EP400: variants seen among roughly 807,000 people sequenced by gnomAD.
EP400 encodes the protein E1A binding protein p400, also known as E1A-binding protein p400.
Under a neutral mutation model 354.1 loss-of-function variants are expected in EP400, and 105 were observed. The ratio of observed to expected loss-of-function variants is 0.30; its 90% CI spans 0.25 to 0.35. EP400 has a LOEUF of 0.35. Among genes scored for constraint, EP400 ranks in the 10% least tolerant of loss-of-function variants. The pLI is 1.00. For missense variants in EP400, 3,280 were observed against 4,121.0 expected, an observed-to-expected ratio of 0.80 and a Z score of 5.59; for synonymous variants, 1,646 against 1,716.9, an observed-to-expected ratio of 0.96 and a Z score of 1.02.
intron 32 of EP400, among the ~76,000 whole-genome samples, chr12:132,039,474 C>T (rs1318631653): frequency 6.6e-6 from 1 of 152,072 alleles, no homozygotes; most frequent in East Asian, 1.9e-4. Flanking sequence ...CAGGGTGAGA[C>T]CCACTCCCCC....
At position 132,023,946 on chromosome 12, in the gene EP400, G is replaced by A; in HGVS notation, c.4855+5G>A. On this transcript the variant is annotated splice_donor_5th_base_variant and intron_variant, in intron 24 of 52. Transcript: ENST00000389561. ...GCCAGCCGCTGCAGCTGCAAGGTAAGGATAAGGATGAGAGAGCACTGATGC... is the reference window on the plus strand; with the variant it reads ...GCCAGCCGCTGCAGCTGCAAGGTAAAGATAAGGATGAGAGAGCACTGATGC... 1 of 1,596,714 alleles carries A rather than the reference G, an allele frequency of 6.3e-7. No homozygotes were observed. The highest frequency in any genetic ancestry group is 2.2e-5 in the East Asian group (1 of 44,462).
At chr12:132,055,675 G>T (rs543902587) in intron 45 of EP400, among the ~76,000 whole-genome samples, 2 of 141,898 alleles carry the variant, frequency 1.4e-5, no homozygotes, top group East Asian at 4.3e-4. Flanking sequence ...TGTGTGTGAG[G>T]TGTAGGGGGG....
chr12:131,949,949 CG>C lies in EP400; in HGVS notation c.-119del, dbSNP rs1343479929. Reference sequence around the variant, plus strand: ...CAGCCGCGCCGCCGCTTCCTCCCGCCGGGGCCCCGGATGCACTGAGCGGCTG... The same window carrying C: ...CAGCCGCGCCGCCGCTTCCTCCCGCCGGGCCCCGGATGCACTGAGCGGCTG... On this transcript the variant is annotated 5_prime_UTR_variant, in exon 1 of 53. Coordinates refer to ENST00000389561, the MANE Select transcript of EP400 (RefSeq NM_015409.5). The C allele has an allele frequency of 1.3e-5, 2 of 151,900 alleles. No homozygotes were observed. Among genetic ancestry groups the C allele is most frequent in the Admixed American group, 6.6e-5 (1 of 15,246 alleles). 9.4% of individuals were successfully genotyped at this position (151,900 alleles called of 1,614,324 possible).
intron 39 of EP400, among the ~76,000 whole-genome samples, chr12:132,047,590 A>G (rs1030458014): frequency 2.6e-5 from 4 of 152,244 alleles, no homozygotes; most frequent in African/African-American, 9.6e-5. Flanking sequence ...GGTCACAGAG[A>G]TCACATGCTT....
intron 47 of EP400, 40 bp downstream of exon 47, chr12:132,062,741 C>T (rs766145109): frequency 7.5e-5 from 121 of 1,606,222 alleles, no homozygotes; most frequent in Middle Eastern, 1.7e-4. Flanking sequence ...GTGCGTCTTG[C>T]GGTCAGTCAG....
Position 132,013,159 on chromosome 12 carries a change from G to A in EP400, c.3592G>A (p.Ala1198Thr), listed in dbSNP as rs747354682. The change falls in exon 17 of 53, where the codon GCG becomes ACG. Residue 1198 changes from alanine to threonine, a missense_variant. By Grantham distance (58) the Ala-to-Thr change is moderately conservative. This residue lies in a region of EP400 where 242 missense variants were observed against 357.9 expected (regional missense o/e 0.68). Transcript: ENST00000389561. This position sits in a 1 kb window ranked among gnomAD's most constrained non-coding sequence, Gnocchi z 4.5. ...GGGCATGACCGAGAGGCACTGGGAA[G>A]CGGTTTTCACCCTGCAGAGGTCTGT... ...VKGMTERHWE[A>T]VFTLQSQQRL... The A allele has an allele frequency of 6.2e-7, 1 of 1,613,742 alleles. No homozygotes were observed. The highest frequency in any genetic ancestry group is 2.2e-5 in the East Asian group (1 of 44,878).
chr12:131,987,983 CT>C (rs778740521), intron 7 of EP400, 93 bp downstream of exon 7: 25,852 of 266,146 alleles, frequency 0.097, 19 homozygotes, highest in East Asian at 0.12. Context: ...TCCAGACCCA[CT>C]TTTTTTTTTT....
At chr12:131,950,766 C>T (rs969018670) in intron 1 of EP400, among the ~76,000 whole-genome samples, 2 of 152,248 alleles carry the variant, frequency 1.3e-5, no homozygotes, top group Non-Finnish European at 2.9e-5. Flanking sequence ...TTAGTAATTA[C>T]TTTCTGAGAC....
intron 2 of EP400, among the ~76,000 whole-genome samples, chr12:131,971,224 G>A (rs1242172484): frequency 3.9e-5 from 6 of 152,150 alleles, no homozygotes; most frequent in African/African-American, 1.2e-4. Flanking sequence ...AAGATTCCAC[G>A]TGTAAGTGAT....
chr12:132,001,895 A>C (rs960173535), intron 12 of EP400, among the ~76,000 whole-genome samples: 18 of 152,212 alleles, frequency 1.2e-4, no homozygotes, highest in African/African-American at 3.6e-4. Context: ...GTGATTAATG[A>C]TATTCGTATA....
chr12:131,957,526 T>G (rs1455188220), intron 1 of EP400, among the ~76,000 whole-genome samples: 1 of 133,038 alleles, frequency 7.5e-6, no homozygotes, highest in Non-Finnish European at 1.6e-5. Flanking sequence ...TCTTTCTTTC[T>G]TTTTTTTTTT....
chr12:131,996,295 CTT>C (rs575217796), intron 12 of EP400, among the ~76,000 whole-genome samples: 14 of 128,140 alleles, frequency 1.1e-4, no homozygotes, highest in Admixed American at 1.6e-4. Context: ...GGAAGGAACT[CTT>C]TTTTTTTTTT....
Position 132,029,839 on chromosome 12 carries a change from G to A in EP400, c.5520G>A (p.Leu1840=), listed in dbSNP as rs751710153. The part of the protein sequence containing the change: ...REHAAPYFQQ[L]RQTTAPRLLQ... ...ACGCTGCGCCGTACTTCCAGCAGCT[G>A]CGGCAGACCACGGCTCCACGCCTGC... Residue 1840 remains leucine (L), a synonymous_variant, in exon 28 of 53, where the codon CTG becomes CTA. Coordinates refer to ENST00000389561, the MANE Select transcript of EP400 (RefSeq NM_015409.5). The surrounding 1 kb of genome is among the most constrained non-coding windows in gnomAD (Gnocchi z 4.7). 3.7e-6 allele frequency: 6 copies of A among 1,613,148 alleles called. No homozygotes were observed. Among genetic ancestry groups the A allele is most frequent in the African/African-American group, 1.3e-5 (1 of 75,074 alleles).
Position 132,014,318 on chromosome 12 carries a change from G to A in EP400, c.3923+405G>A, listed in dbSNP as rs952630524. ...GGCTGTGGCCCACCGGAGGTGGCAC[G>A]CTGGTGTCTGTGGCGCAATGAGTCG... On this transcript the variant is annotated intron_variant, in intron 19 of 52. Coordinates refer to ENST00000389561, the MANE Select transcript of EP400 (RefSeq NM_015409.5). 3.3e-5 allele frequency among the ~76,000 whole-genome samples: 5 copies of A among 152,238 alleles called. No individual in the cohort carries two copies. The East Asian group carries it at 7.7e-4, about 23-fold the overall frequency.
chr12:132,001,023 C>T (rs894321907), intron 12 of EP400, among the ~76,000 whole-genome samples: 12 of 152,076 alleles, frequency 7.9e-5, no homozygotes, highest in Non-Finnish European at 1.3e-4. Flanking sequence ...TCCTAGCGTA[C>T]TTTGTGATTT....
At chr12:131,988,867 G>A (rs977420557) in intron 7 of EP400, among the ~76,000 whole-genome samples, 9 of 152,090 alleles carry the variant, frequency 5.9e-5, no homozygotes, top group South Asian at 4.1e-4. Flanking sequence ...TGTCCACTCC[G>A]TACCCAGAAT....
chr12:132,050,752 G>A lies in EP400; in HGVS notation c.7394+97G>A, dbSNP rs934334908. ...AGTTCAGCAAATCGTTGTGCACTTAGCGTGTTCAGGCATCAGCTGGACGTG... is the reference window on the plus strand; with the variant it reads ...AGTTCAGCAAATCGTTGTGCACTTAACGTGTTCAGGCATCAGCTGGACGTG... On this transcript the variant is annotated intron_variant, in intron 41 of 52. Transcript: ENST00000389561. The surrounding 1 kb of genome is among the most constrained non-coding windows in gnomAD (Gnocchi z 4.8). 6 of 1,449,026 alleles carry A rather than the reference G, an allele frequency of 4.1e-6. No individual in the cohort carries two copies. Among genetic ancestry groups the A allele is most frequent in the Non-Finnish European group, 5.8e-6 (6 of 1,034,988 alleles). 89.8% of individuals were successfully genotyped at this position (1,449,026 alleles called of 1,614,324 possible).
In EP400 at chr12:132,027,441, C is replaced by G. The variant is rs762022153; in HGVS notation, c.5019C>G (p.Gly1673=). The change falls in exon 26 of 53, where the codon GGC becomes GGG. Residue 1673 remains glycine, a synonymous_variant. Coordinates refer to ENST00000389561, the MANE Select transcript of EP400 (RefSeq NM_015409.5). The surrounding 1 kb of genome is among the most constrained non-coding windows in gnomAD (Gnocchi z 4.9). Reference sequence around the variant, plus strand: ...TCTTCCTTTATGCATTTGTAGTTGGCGTTCCGGGCCGCGTGGCGGTGAATG... The same window carrying G: ...TCTTCCTTTATGCATTTGTAGTTGGGGTTCCGGGCCGCGTGGCGGTGAATG... ...PSPAPLTPQV[G]VPGRVAVNAL... The G allele has an allele frequency of 6.2e-7, 1 of 1,614,056 alleles. No homozygotes were observed. The highest frequency in any genetic ancestry group is 1.7e-5 in the Admixed American group (1 of 60,036).
rs903107382 is a variant in EP400 at position 131,982,315 on chromosome 12, A to G, written c.1766A>G (p.Gln589Arg). ...CCGCAAGTGGTAGAGGCCCAGACAC[A>G]GCTCCAAATCCCGGTGAAGACTCAG... The part of the protein sequence containing the change: ...QQPQVVEAQT[Q>R]LQIPVKTQQP... Residue 589 changes from glutamine to arginine, a missense_variant, in exon 5 of 53, where the codon CAG becomes CGG. Gln to Arg is a conservative substitution (Grantham distance 43). Transcript: ENST00000389561. 2 of 1,614,006 alleles carry G rather than the reference A, an allele frequency of 1.2e-6. No individual in the cohort carries two copies. The highest frequency in any genetic ancestry group is 1.3e-5 in the African/African-American group (1 of 74,892).
Sources: allele counts gnomAD v4.1 joint callset (sites outside exome capture counted in the v4.1 genomes callset), GRCh38; gene constraint gnomAD v4.1.1; regional missense constraint gnomAD v4.1.1; non-coding constraint Gnocchi (gnomAD v3.1); transcripts MANE v1.5; gene names NCBI Gene and HGNC (gene_info 2026-07-23, HGNC 2026-07-21).